ERC2: variants seen among roughly 807,000 people sequenced by gnomAD.
The protein encoded by ERC2 is ERC protein 2.
A neutral mutation model predicts 114.8 loss-of-function variants in ERC2; 42 were observed. That is an observed-to-expected ratio of 0.37 (90% confidence interval 0.29 to 0.47). The LOEUF is 0.47. Among genes scored for constraint, ERC2 ranks in the 20% least tolerant of loss-of-function variants. The pLI is 0.99. For missense variants in ERC2, 939 were observed against 1,150.7 expected (o/e 0.82, Z 2.66); for synonymous variants, 454 against 425.5 (o/e 1.07, Z -0.82).
intron 2 of ERC2, among the ~76,000 whole-genome samples, chr3:56,345,161 G>A (rs1172876159): frequency 1.3e-5 from 2 of 152,228 alleles, no homozygotes; most frequent in Non-Finnish European, 2.9e-5. Flanking sequence ...TAGGCAGCAG[G>A]CCCATAGCTG....
chr3:55,919,662 C>A (rs1016101164), intron 13 of ERC2, among the ~76,000 whole-genome samples: 2 of 152,096 alleles, frequency 1.3e-5, no homozygotes, highest in Admixed American at 1.3e-4. Context: ...TGTGTAATAA[C>A]TGAGACAGTG....
At chr3:56,270,818 A>T (rs760300895) in intron 3 of ERC2, among the ~76,000 whole-genome samples, 2 of 152,144 alleles carry the variant, frequency 1.3e-5, no homozygotes, top group African/African-American at 2.4e-5. Context: ...TCTCTACTAA[A>T]AATACAAAAA....
chr3:55,729,488 C>G (rs1016727148), intron 15 of ERC2, among the ~76,000 whole-genome samples: 1 of 152,090 alleles, frequency 6.6e-6, no homozygotes, highest in African/African-American at 2.4e-5. Context: ...TTCTTCTTTT[C>G]TACCATACAA....
chr3:55,950,616 T>G, intron 12 of ERC2, 56 bp from the exon 13 acceptor site: 2 of 1,597,002 alleles, frequency 1.3e-6, no homozygotes, highest in Non-Finnish European at 1.7e-6. Context: ...TCATATGTTA[T>G]CACAAATAGA....
chr3:56,136,815 A>G (rs1355657821), intron 6 of ERC2, among the ~76,000 whole-genome samples: 2 of 152,208 alleles, frequency 1.3e-5, no homozygotes, highest in Non-Finnish European at 1.5e-5. Flanking sequence ...TTAAAAGGAA[A>G]AAAAAGGCAA....
chr3:55,799,590 G>A (rs946771784), intron 14 of ERC2, among the ~76,000 whole-genome samples: 36 of 151,770 alleles, frequency 2.4e-4, no homozygotes, highest in African/African-American at 8.7e-4. Context: ...AGTAACAGCT[G>A]AGTGACAACA....
chr3:55,674,105 G>C (rs548205862), intron 17 of ERC2, among the ~76,000 whole-genome samples: 5 of 152,158 alleles, frequency 3.3e-5, no homozygotes, highest in Admixed American at 6.5e-5. Flanking sequence ...AGCCTGCCCT[G>C]ACCTCCCGAC....
chr3:55,560,966 C>G (rs1407553208), intron 17 of ERC2, among the ~76,000 whole-genome samples: 2 of 152,100 alleles, frequency 1.3e-5, no homozygotes, highest in Non-Finnish European at 2.9e-5. Flanking sequence ...CCTCTTCTCC[C>G]AACAAGACTC....
chr3:55,833,311 A>G (rs1171086392), intron 14 of ERC2, among the ~76,000 whole-genome samples: 1 of 150,768 alleles, frequency 6.6e-6, no homozygotes, highest in Non-Finnish European at 1.5e-5. Context: ...TAATTGTCAG[A>G]TTCAACAAAG....
chr3:56,206,332 G>A (rs1275975622), intron 3 of ERC2, among the ~76,000 whole-genome samples: 3 of 152,178 alleles, frequency 2.0e-5, no homozygotes, highest in Admixed American at 6.5e-5. Context: ...TTTTCATTCA[G>A]TAGTTCCCAA....
At chr3:55,633,609 C>T (rs1271240917) in intron 17 of ERC2, among the ~76,000 whole-genome samples, 2 of 152,174 alleles carry the variant, frequency 1.3e-5, no homozygotes, top group Admixed American at 1.3e-4. Flanking sequence ...TACATGAACA[C>T]TCAATGGCCT....
intron 17 of ERC2, among the ~76,000 whole-genome samples, chr3:55,562,449 G>A (rs1307796507): frequency 6.6e-6 from 1 of 150,716 alleles, no homozygotes; most frequent in Non-Finnish European, 1.5e-5. Flanking sequence ...CACTGTGCCT[G>A]GCCCGCTGCC....
chr3:55,735,118 C>T (rs1409785061), intron 14 of ERC2, among the ~76,000 whole-genome samples, 200 bp from the exon 15 acceptor site: 2 of 152,112 alleles, frequency 1.3e-5, no homozygotes, highest in Non-Finnish European at 2.9e-5. Context: ...CACACTGCAG[C>T]CACTGAGAGA....
At chr3:55,662,826 A>C (rs546601773) in intron 17 of ERC2, among the ~76,000 whole-genome samples, 45 of 152,314 alleles carry the variant, frequency 3.0e-4, no homozygotes, top group African/African-American at 1.1e-3. Context: ...CAAACAGCTA[A>C]AATGACTAAC....
chr3:55,643,402 G>A (rs897610142), intron 17 of ERC2, among the ~76,000 whole-genome samples: 2 of 152,168 alleles, frequency 1.3e-5, no homozygotes, highest in Non-Finnish European at 2.9e-5. Context: ...TTAGATAAAA[G>A]AGAGTTTCTA....
At chr3:56,466,620 A>C (rs2063555037) in intron 1 of ERC2, among the ~76,000 whole-genome samples, 1 of 152,230 alleles carries the variant, frequency 6.6e-6, no homozygotes, top group South Asian at 2.1e-4. Flanking sequence ...CACCGAACTG[A>C]CATTCTGCAA....
intron 17 of ERC2, among the ~76,000 whole-genome samples, chr3:55,664,990 A>T (rs2061301442): frequency 1.3e-5 from 2 of 152,162 alleles, no homozygotes; most frequent in Admixed American, 6.5e-5. Context: ...TGGGGATAAT[A>T]ATAACACACT....
At chr3:55,620,516 G>T (rs1399668626) in intron 17 of ERC2, among the ~76,000 whole-genome samples, 2 of 152,154 alleles carry the variant, frequency 1.3e-5, no homozygotes, top group Non-Finnish European at 2.9e-5. Flanking sequence ...AGAAGGATCG[G>T]CATAAACACA....
intron 14 of ERC2, among the ~76,000 whole-genome samples, chr3:55,814,501 T>A (rs1023595831): frequency 2.6e-5 from 4 of 152,224 alleles, no homozygotes; most frequent in Non-Finnish European, 1.5e-5. Flanking sequence ...TGAATCACAT[T>A]CTCTACTCTT....
Sources: allele counts gnomAD v4.1 joint callset (sites outside exome capture counted in the v4.1 genomes callset), GRCh38; gene constraint gnomAD v4.1.1; transcripts MANE v1.5; gene names NCBI Gene and HGNC (gene_info 2026-07-23, HGNC 2026-07-21).